Variants in KMT2E observed in about 807,000 individuals in gnomAD.
KMT2E encodes lysine methyltransferase 2E (inactive).
KMT2E carries 30 observed loss-of-function variants against 184.6 expected under a neutral mutation model. The observed-to-expected ratio is 0.16, with a 90% confidence interval of 0.12 to 0.22. KMT2E has a LOEUF of 0.22. KMT2E is among the 10% of genes least tolerant of loss of function. The probability of loss-of-function intolerance (pLI) is 1.00; values close to 1 mark genes in which losing one functional copy is unlikely to be tolerated. For missense variants in KMT2E, 2,023 were observed against 2,237.4 expected (o/e 0.90, Z 1.93); for synonymous variants, 815 against 776.5 (o/e 1.05, Z -0.82).
At chr7:105,036,651 A>G (rs1422758466) in intron 1 of KMT2E, among the ~76,000 whole-genome samples, 2 of 152,236 alleles carry the variant, frequency 1.3e-5, no homozygotes, top group African/African-American at 2.4e-5. Flanking sequence ...GAGATTAAGC[A>G]TTGTAAGCAC....
chr7:105,070,632 C>CAAAA (rs57911728), intron 6 of KMT2E, among the ~76,000 whole-genome samples: 1 of 59,516 alleles, frequency 1.7e-5, no homozygotes, highest in Non-Finnish European at 3.0e-5. Context: ...GACTGTGTCT[C>CAAAA]AAAAAAAAAA....
chr7:105,036,814 G>C lies in KMT2E; in HGVS notation c.-188-1312G>C, dbSNP rs58945311. ...CACATTTATATTTTATAGTTTTTTA[G>C]AATCTAAAATTCTGTCATTTTGATT... is the stretch of plus-strand genomic sequence containing the variant. On this transcript the variant is annotated intron_variant, in intron 1 of 26. Transcript: ENST00000311117. 3.1e-3 allele frequency among the ~76,000 whole-genome samples: 465 copies of C among 152,164 alleles called. 2 individuals carry two copies. Among genetic ancestry groups the C allele is most frequent in the African/African-American group, 0.011 (441 of 41,514 alleles).
At position 105,023,954 on chromosome 7, in the gene KMT2E, CAGAA is replaced by C. The variant is rs371932607; in HGVS notation, c.-189+9422_-189+9425del. On this transcript the variant is annotated intron_variant, in intron 1 of 26. Transcript: ENST00000311117. ...CTTTGTAGTTAAAGAAATATATACT[CAGAA>C]AGGTTAAGAAGGACAAGTAAAGGAA... Among the ~76,000 whole-genome samples the C allele has an allele frequency of 1.5e-4, 23 of 151,762 alleles. No individual in the cohort carries two copies. In the South Asian group the frequency reaches 2.1e-3, roughly 14 times the overall value.
chr7:105,049,495 A>G (rs1481929808), intron 3 of KMT2E, among the ~76,000 whole-genome samples: 1 of 152,038 alleles, frequency 6.6e-6, no homozygotes, highest in Non-Finnish European at 1.5e-5. Flanking sequence ...GTAAATATTT[A>G]TTGAGGGCTT....
chr7:105,105,709 G>A lies in KMT2E; in HGVS notation c.2451+16G>A. 6.3e-7 allele frequency: 1 copy of A among 1,589,582 alleles called. No homozygotes were observed. Among genetic ancestry groups the A allele is most frequent in the Non-Finnish European group, 8.5e-7 (1 of 1,171,770 alleles). On this transcript the variant is annotated intron_variant, in intron 18 of 26. Transcript: ENST00000311117. ...ATGCAAGAAGGTAAACTTTTCTTTG[G>A]AAGTAAAAATGTAGAATGAGCCAAA...
At chr7:105,086,636 A>T (rs1397842008) in intron 13 of KMT2E, among the ~76,000 whole-genome samples, 1 of 151,844 alleles carries the variant, frequency 6.6e-6, no homozygotes, top group Non-Finnish European at 1.5e-5. Flanking sequence ...GAGACAGGAG[A>T]ATCACTTGAA....
At chr7:105,020,137 TA>T (rs569366041) in intron 1 of KMT2E, among the ~76,000 whole-genome samples, 84 of 147,464 alleles carry the variant, frequency 5.7e-4, no homozygotes, top group Middle Eastern at 3.5e-3. Context: ...ATAAGTAAAT[TA>T]AAAAAAAAAA....
intron 1 of KMT2E, among the ~76,000 whole-genome samples, chr7:105,016,701 T>C (rs1202741719): frequency 6.6e-6 from 1 of 152,196 alleles, no homozygotes; most frequent in Non-Finnish European, 1.5e-5. Context: ...ATTCTGATTG[T>C]GGAGCAACGG....
chr7:105,071,872 C>T (rs1371868842), intron 6 of KMT2E, among the ~76,000 whole-genome samples: 3 of 151,766 alleles, frequency 2.0e-5, no homozygotes, highest in Non-Finnish European at 4.4e-5. Context: ...AAATGGTAAT[C>T]TCAGCATAGT....
chr7:105,018,817 A>G (rs766118247), intron 1 of KMT2E, among the ~76,000 whole-genome samples: 7 of 152,014 alleles, frequency 4.6e-5, no homozygotes, highest in South Asian at 4.1e-4. Context: ...AATTTTTTGT[A>G]TTACCTACAA....
At chr7:105,056,370 C>T (rs192016949) in intron 3 of KMT2E, among the ~76,000 whole-genome samples, 5 of 152,260 alleles carry the variant, frequency 3.3e-5, no homozygotes, top group Admixed American at 3.3e-4. Context: ...GAAAATCTGG[C>T]TCTATCTATT....
In KMT2E at chr7:105,112,132, C is replaced by A; in HGVS notation, c.4376C>A (p.Pro1459His). ...CCAAAGTCATCCACGCCTCACACAC[C>A]TGTACAGCATGGTTATCTTTCACCA... The part of the protein sequence containing the change: ...NPPKSSTPHT[P>H]VQHGYLSPKP... Residue 1459 changes from proline to histidine, a missense_variant, in exon 27 of 27, where the codon CCT becomes CAT. This residue lies in a region of KMT2E where 1,108 missense variants were observed against 1,050.9 expected (regional missense o/e 1.05). Transcript: ENST00000311117. 1 of 1,614,178 alleles carries A rather than the reference C, an allele frequency of 6.2e-7. No individual in the cohort carries two copies. Among genetic ancestry groups the A allele is most frequent in the Non-Finnish European group, 8.5e-7 (1 of 1,180,034 alleles).
Position 105,109,048 on chromosome 7 carries a change from T to G in KMT2E, c.3575T>G (p.Leu1192Trp). The change falls in exon 23 of 27, where the codon TTG (leucine) becomes TGG (tryptophan). Residue 1192 changes from leucine (L) to tryptophan (W), a missense_variant. Leu to Trp is a moderately conservative substitution (Grantham distance 61). Transcript: ENST00000311117. ...ISVSPHASGS[L>W]SNNGDGCASS... ...GTATCACCCCATGCAAGTGGAAGCT[T>G]GAGCAACAATGGTGATGGCTGTGCC... 1 of 1,614,156 alleles carries G rather than the reference T, an allele frequency of 6.2e-7. No homozygotes were observed.
intron 26 of KMT2E, chr7:105,111,071 A>G: frequency 1.8e-6 from 1 of 553,984 alleles, no homozygotes; most frequent in East Asian, 2.9e-5. Context: ...CTGACCAAAC[A>G]TTCAAGTTTT....
chr7:105,082,437 T>C (rs1797794814), intron 13 of KMT2E, among the ~76,000 whole-genome samples: 1 of 152,206 alleles, frequency 6.6e-6, no homozygotes, highest in Non-Finnish European at 1.5e-5. Context: ...ATTCTGTATG[T>C]CTTATACTGT....
intron 3 of KMT2E, among the ~76,000 whole-genome samples, chr7:105,054,167 T>C (rs1372615366): frequency 6.7e-6 from 1 of 150,078 alleles, no homozygotes; most frequent in Non-Finnish European, 1.5e-5. Context: ...CAAGACTCTG[T>C]CTCAAAAAAA....
At chr7:105,054,052 A>G (rs888831158) in intron 3 of KMT2E, among the ~76,000 whole-genome samples, 15 of 152,012 alleles carry the variant, frequency 9.9e-5, no homozygotes, top group Non-Finnish European at 2.9e-5. Flanking sequence ...ACGTGCCTGT[A>G]ATCCCGGCTA....
Position 105,076,872 on chromosome 7 carries a change from TTGTGTGTGTGTGTGTGTG to T in KMT2E, c.769-61_769-44del, listed in dbSNP as rs10598888. On this transcript the variant is annotated intron_variant, in intron 9 of 26. Transcript: ENST00000311117. ...TCTTTTGTATAGATTGCCGTTAATTTTGTGTGTGTGTGTGTGTGTGTGTGTGTGTGTGTGTGTGTGTGT... is the reference window on the plus strand; with the variant it reads ...TCTTTTGTATAGATTGCCGTTAATTTTGTGTGTGTGTGTGTGTGTGTGTGT... The T allele has an allele frequency of 1.8e-3, 1,167 of 632,404 alleles. 2 individuals are homozygous for T. Among genetic ancestry groups the T allele is most frequent in the Middle Eastern group, 7.0e-3 (25 of 3,564 alleles). 39.2% of individuals were successfully genotyped at this position (632,404 alleles called of 1,614,324 possible).
At chr7:105,050,297 A>G (rs900604610) in intron 3 of KMT2E, among the ~76,000 whole-genome samples, 1 of 152,110 alleles carries the variant, frequency 6.6e-6, no homozygotes, top group African/African-American at 2.4e-5. Context: ...GGAAGGTTCA[A>G]CTTTGGATTT....
Sources: allele counts gnomAD v4.1 joint callset (sites outside exome capture counted in the v4.1 genomes callset), GRCh38; gene constraint gnomAD v4.1.1; regional missense constraint gnomAD v4.1.1; transcripts MANE v1.5; gene names NCBI Gene and HGNC (gene_info 2026-07-23, HGNC 2026-07-21).